The following MAF variants were observed in gnomAD, a reference collection of about 807,000 sequenced individuals.
MAF encodes transcription factor Maf.
MAF carries 10 observed loss-of-function variants against 22.0 expected under a neutral mutation model. The ratio of observed to expected loss-of-function variants is 0.45; its 90% CI spans 0.28 to 0.77. The LOEUF is 0.77. MAF is among the 30% of genes least tolerant of loss of function. MAF has a pLI of 0.12. For missense variants in MAF, 544 were observed against 548.4 expected (o/e 0.99, Z 0.08); for synonymous variants, 337 against 255.8 (o/e 1.32, Z -3.03).
chr16:79,584,040 A>G (rs1364723524), downstream of MAF, among the ~76,000 whole-genome samples: 1 of 152,180 alleles, frequency 6.6e-6, no homozygotes, highest in Admixed American at 6.5e-5. Context: ...AATCTTTTTG[A>G]GATACCACTT....
At chr16:79,429,279 C>A in the MAF span, among the ~76,000 whole-genome samples, 1 of 152,162 alleles carries the variant, frequency 6.6e-6, no homozygotes, top group African/African-American at 2.4e-5. Flanking sequence ...TCCTGCCCTG[C>A]CCATGGGTCT....
chr16:79,557,329 G>C, the MAF span, among the ~76,000 whole-genome samples: 1 of 152,010 alleles, frequency 6.6e-6, no homozygotes, highest in African/African-American at 2.4e-5. Flanking sequence ...GGGTGGAAGA[G>C]GAGAAAATAA....
chr16:79,262,887 G>C, the MAF span, among the ~76,000 whole-genome samples: 2 of 152,126 alleles, frequency 1.3e-5, no homozygotes, highest in Admixed American at 6.5e-5. Flanking sequence ...TTTTTTTGAA[G>C]AACTTAGGAG....
At chr16:79,456,541 T>C in the MAF span, among the ~76,000 whole-genome samples, 1 of 152,156 alleles carries the variant, frequency 6.6e-6, no homozygotes, top group East Asian at 1.9e-4. Flanking sequence ...GAGCATAGAT[T>C]ACTCCAGAAC....
chr16:79,485,844 C>G, the MAF span, among the ~76,000 whole-genome samples: 5 of 152,112 alleles, frequency 3.3e-5, no homozygotes, highest in Non-Finnish European at 7.3e-5. Context: ...CGGCCAGCGG[C>G]TGGCAGAGAG....
At chr16:79,203,330 C>G in the MAF span, 1 of 152,130 alleles carries the variant, frequency 6.6e-6, no homozygotes, top group Non-Finnish European at 1.5e-5. Flanking sequence ...TATGGAAATC[C>G]ACACACCTAA....
chr16:79,291,210 T>G, the MAF span, among the ~76,000 whole-genome samples: 1 of 151,878 alleles, frequency 6.6e-6, no homozygotes, highest in Non-Finnish European at 1.5e-5. Context: ...AGCATAGGAG[T>G]GGAGGGCAGG....
At chr16:79,431,164 C>G in the MAF span, among the ~76,000 whole-genome samples, 7 of 152,282 alleles carry the variant, frequency 4.6e-5, no homozygotes, top group South Asian at 1.5e-3. Flanking sequence ...ATCCTCACCC[C>G]ATCCCTCAAC....
chr16:79,562,972 ATG>A, the MAF span, among the ~76,000 whole-genome samples: 1 of 152,160 alleles, frequency 6.6e-6, no homozygotes, highest in Non-Finnish European at 1.5e-5. Flanking sequence ...TCAAATTCAA[ATG>A]TGTCTACTGG....
the MAF span, among the ~76,000 whole-genome samples, chr16:79,467,499 A>G: frequency 2.6e-5 from 4 of 152,206 alleles, no homozygotes; most frequent in African/African-American, 9.6e-5. Context: ...GCATAGAGAA[A>G]TCGAGTAATT....
chr16:79,540,184 G>T, the MAF span, among the ~76,000 whole-genome samples: 1 of 151,938 alleles, frequency 6.6e-6, no homozygotes, highest in Middle Eastern at 3.4e-3. Context: ...AAGGAATGAG[G>T]TGGGATTATC....
chr16:79,216,243 G>A, the MAF span, among the ~76,000 whole-genome samples: 2 of 152,162 alleles, frequency 1.3e-5, no homozygotes, highest in East Asian at 3.9e-4. Context: ...ATGTGTATAT[G>A]TACATGTATG....
At chr16:79,221,014 T>C in the MAF span, among the ~76,000 whole-genome samples, 1 of 152,204 alleles carries the variant, frequency 6.6e-6, no homozygotes, top group Non-Finnish European at 1.5e-5. Flanking sequence ...AAAAAAAGGC[T>C]GAATGCGGAA....
downstream of MAF, chr16:79,585,762 C>G (rs943312535): frequency 1.8e-6 from 1 of 569,274 alleles, no homozygotes; most frequent in African/African-American, 1.9e-5. Flanking sequence ...CTTTTCACAC[C>G]TAAAAAGTTA....
chr16:79,237,443 C>A, the MAF span, among the ~76,000 whole-genome samples: 1 of 152,068 alleles, frequency 6.6e-6, no homozygotes, highest in Admixed American at 6.6e-5. Flanking sequence ...GGCTAATAAG[C>A]ACACACTTTG....
chr16:79,486,282 T>G, the MAF span, among the ~76,000 whole-genome samples: 1 of 152,134 alleles, frequency 6.6e-6, no homozygotes, highest in African/African-American at 2.4e-5. Context: ...GAAAATGAAA[T>G]TTATGTAAAA....
At chr16:79,478,773 C>T in the MAF span, among the ~76,000 whole-genome samples, 4 of 152,180 alleles carry the variant, frequency 2.6e-5, no homozygotes, top group African/African-American at 9.6e-5. Flanking sequence ...GGGCACCACC[C>T]CAGCATACCC....
At chr16:79,441,156 G>A in the MAF span, among the ~76,000 whole-genome samples, 1 of 152,304 alleles carries the variant, frequency 6.6e-6, no homozygotes, top group African/African-American at 2.4e-5. Flanking sequence ...GAAAACAAAA[G>A]AGTGAGCTAC....
chr16:79,207,531 A>T, the MAF span, among the ~76,000 whole-genome samples: 5 of 152,194 alleles, frequency 3.3e-5, no homozygotes, highest in African/African-American at 1.2e-4. Flanking sequence ...TTGCTGTGCA[A>T]TGTCCCTGTA....
Sources: allele counts gnomAD v4.1 joint callset (sites outside exome capture counted in the v4.1 genomes callset), GRCh38; gene constraint gnomAD v4.1.1; transcripts MANE v1.5; gene names NCBI Gene and HGNC (gene_info 2026-07-23, HGNC 2026-07-21).